Variants in EML6 observed in about 807,000 individuals in gnomAD.
The protein encoded by EML6 is echinoderm microtubule-associated protein-like 6.
A neutral mutation model predicts 240.1 loss-of-function variants in EML6; 154 were observed. That is an observed-to-expected ratio of 0.64 (90% CI 0.56 to 0.73). EML6 has a LOEUF of 0.73. EML6 is among the 30% of genes least tolerant of loss of function. The pLI, the probability that EML6 is intolerant of heterozygous loss-of-function variation, is 0.00. For missense variants in EML6, 2,964 were observed against 2,474.6 expected, an observed-to-expected ratio of 1.20 and a Z score of -4.20; for synonymous variants, 1,148 against 899.0, an observed-to-expected ratio of 1.28 and a Z score of -4.95.
chr2:54,926,455 G>C (rs1295487165), intron 26 of EML6, among the ~76,000 whole-genome samples: 2 of 152,218 alleles, frequency 1.3e-5, no homozygotes, highest in Non-Finnish European at 2.9e-5. Context: ...TTGATGGATA[G>C]AGTTGTGGTG....
At chr2:54,885,821 C>T (rs1488461705) in intron 17 of EML6, among the ~76,000 whole-genome samples, 1 of 152,002 alleles carries the variant, frequency 6.6e-6, no homozygotes, top group African/African-American at 2.4e-5. Context: ...CCGTGTTAGC[C>T]AGGATGGTCT....
At position 54,964,641 on chromosome 2, in the gene EML6, CAG is replaced by C. The variant is rs1558733484; in HGVS notation, c.5402_5403del (p.Gln1801ArgfsTer37). The C allele has an allele frequency of 1.9e-6, 3 of 1,552,400 alleles. No individual in the cohort carries two copies. The highest frequency in any genetic ancestry group is 2.6e-6 in the Non-Finnish European group (3 of 1,147,128). On this transcript the variant is annotated frameshift_variant, in exon 38 of 42. Coordinates refer to ENST00000356458, the MANE Select transcript of EML6 (RefSeq NM_001039753.4). LOFTEE classifies it high-confidence loss of function. ...CACAGTTGACTTCTATGACCTCACTCAGGGCACAAATCTGAACCGCATTGGCT... is the reference window on the plus strand; with the variant it reads ...CACAGTTGACTTCTATGACCTCACTCGGCACAAATCTGAACCGCATTGGCT... ...EHTVDFYDLT[Q>X]GTNLNRIGYC...
At chr2:54,959,988 A>G (rs923790278) in intron 34 of EML6, among the ~76,000 whole-genome samples, 6 of 152,188 alleles carry the variant, frequency 3.9e-5, no homozygotes, top group African/African-American at 1.2e-4. Context: ...TCCTCCCAAG[A>G]TAGTAGCATT....
At chr2:54,913,071 GTT>G (rs1216432893) in intron 25 of EML6, among the ~76,000 whole-genome samples, 29 of 125,674 alleles carry the variant, frequency 2.3e-4, no homozygotes, top group South Asian at 1.8e-3. Flanking sequence ...GCCAGATTCT[GTT>G]TTTTTTTTTT....
chr2:54,788,999 TA>T (rs1669246904), intron 2 of EML6, among the ~76,000 whole-genome samples: 1 of 152,206 alleles, frequency 6.6e-6, no homozygotes, highest in Non-Finnish European at 1.5e-5. Context: ...CATTTCTTAA[TA>T]AAATGAGGCA....
Position 54,954,000 on chromosome 2 carries a change from C to T in EML6, c.4330C>T (p.His1444Tyr). ...ACACTCAGGGACAACACCTTCCATC[C>T]ACATATGGGACGCCATGACCAAACA... is the stretch of plus-strand genomic sequence containing the variant. ...TSQIGTTPSI[H>Y]IWDAMTKHTL... is the part of the protein sequence containing the mutation. The change falls in exon 32 of 42, where the codon CAC becomes TAC. Residue 1444 changes from histidine (H) to tyrosine (Y), a missense_variant. His to Tyr is a moderately conservative substitution (Grantham distance 83). Coordinates refer to ENST00000356458, the MANE Select transcript of EML6 (RefSeq NM_001039753.4). 1.9e-6 allele frequency: 3 copies of T among 1,551,378 alleles called. No individual in the cohort carries two copies. The highest frequency in any genetic ancestry group is 3.9e-5 in the Admixed American group (2 of 50,948).
chr2:54,922,690 C>T (rs970314615), intron 26 of EML6, among the ~76,000 whole-genome samples: 2 of 152,092 alleles, frequency 1.3e-5, no homozygotes, highest in African/African-American at 2.4e-5. Flanking sequence ...TGTATATATA[C>T]ATATACATGG....
At chr2:54,796,111 A>T (rs1304757340) in intron 2 of EML6, among the ~76,000 whole-genome samples, 22 of 152,328 alleles carry the variant, frequency 1.4e-4, no homozygotes, top group Non-Finnish European at 2.9e-4. Context: ...CTGAAGGGAA[A>T]TAAAGGCAAG....
At position 54,894,907 on chromosome 2, in the gene EML6, C is replaced by T. The variant is rs1191581618; in HGVS notation, c.2743-8C>T. ...TGTATATAATACCTCTCATGTGTGC[C>T]TTCACAGGGCTTTGTAACAGGTGGA... is the stretch of plus-strand genomic sequence containing the variant. On this transcript the variant is annotated splice_region_variant and splice_polypyrimidine_tract_variant and intron_variant, in intron 19 of 41. Transcript: ENST00000356458. The T allele has an allele frequency of 1.3e-6, 2 of 1,545,798 alleles. No individual in the cohort carries two copies. The highest frequency in any genetic ancestry group is 1.8e-6 in the Non-Finnish European group (2 of 1,141,856).
At chr2:54,957,292 CCT>C (rs1160202685) in intron 32 of EML6, among the ~76,000 whole-genome samples, 2 of 148,210 alleles carry the variant, frequency 1.3e-5, no homozygotes, top group East Asian at 2.0e-4. Flanking sequence ...AAAATTTAAA[CCT>C]AAACACCACA....
intron 19 of EML6, among the ~76,000 whole-genome samples, chr2:54,892,871 A>G (rs1019952132): frequency 6.6e-6 from 1 of 152,188 alleles, no homozygotes; most frequent in Admixed American, 6.5e-5. Flanking sequence ...ACTTCTCTGC[A>G]CTTTTTCCAC....
intron 39 of EML6, 26 bp from the exon 40 acceptor site, chr2:54,968,102 C>G (rs189301110): frequency 6.3e-5 from 97 of 1,549,642 alleles, no homozygotes; most frequent in Middle Eastern, 4.2e-4. Context: ...TTCCTTCTAT[C>G]CTAACCCCTC....
rs1244017970 is a variant in EML6 at position 54,957,970 on chromosome 2, A to T, written c.4667A>T (p.Gln1556Leu). The change falls in exon 33 of 42, where the codon CAG becomes CTG. Residue 1556 changes from glutamine to leucine, a missense_variant. Transcript: ENST00000356458. The stretch of plus-strand genomic sequence containing the variant: ...GGGTCCCTGGGAGCTGCCAAAATGC[A>T]GACGATGCTCTCCGTGGCCTTCGGT... Reference protein sequence around the residue: ...VIGSLGAAKMQTMLSVAFGAN... With the variant: ...VIGSLGAAKMLTMLSVAFGAN... 6.4e-7 allele frequency: 1 copy of T among 1,551,446 alleles called. No individual in the cohort carries two copies. The highest frequency in any genetic ancestry group is 8.7e-7 in the Non-Finnish European group (1 of 1,146,788).
At chr2:54,955,853 G>C (rs1208575502) in intron 32 of EML6, among the ~76,000 whole-genome samples, 1 of 152,182 alleles carries the variant, frequency 6.6e-6, no homozygotes, top group East Asian at 1.9e-4. Context: ...GGTTGACCAC[G>C]GACATGTCAT....
intron 20 of EML6, 115 bp downstream of exon 20, chr2:54,895,141 A>G: frequency 7.6e-7 from 1 of 1,315,760 alleles, no homozygotes; most frequent in East Asian, 2.5e-5. Context: ...CCATGTTTAG[A>G]ACTCTCTTCC....
chr2:54,922,582 T>G (rs1346560044), intron 26 of EML6, among the ~76,000 whole-genome samples: 1 of 152,212 alleles, frequency 6.6e-6, no homozygotes, highest in African/African-American at 2.4e-5. Context: ...TGAAGAGATA[T>G]CTACACCACC....
At chr2:54,885,517 T>G (rs1440241038) in intron 17 of EML6, among the ~76,000 whole-genome samples, 2 of 152,222 alleles carry the variant, frequency 1.3e-5, no homozygotes, top group African/African-American at 4.8e-5. Context: ...TCTCTTGGTG[T>G]TAAACACATT....
Position 54,863,827 on chromosome 2 carries a change from T to G in EML6, c.1870T>G (p.Ser624Ala). 1 of 1,549,952 alleles carries G rather than the reference T, an allele frequency of 6.5e-7. No individual in the cohort carries two copies. The highest frequency in any genetic ancestry group is 1.2e-5 in the South Asian group (1 of 83,472). ...SYSEESDSDL[S>A]DVPELDSDIE... Reference sequence around the variant, plus strand: ...CAGTGAAGAATCTGATTCAGATTTATCTGATGTGCCCGAACTGGACTCTGA... The same window carrying G: ...CAGTGAAGAATCTGATTCAGATTTAGCTGATGTGCCCGAACTGGACTCTGA... Residue 624 changes from serine (S) to alanine (A), a missense_variant, in exon 13 of 42, where the codon TCT becomes GCT. Transcript: ENST00000356458.
intron 2 of EML6, among the ~76,000 whole-genome samples, chr2:54,767,423 CTTTTA>C (rs1446370248): frequency 2.0e-5 from 3 of 151,770 alleles, no homozygotes; most frequent in Admixed American, 1.3e-4. Context: ...GGATAGTATA[CTTTTA>C]TTTTAAGAAA....
Sources: gnomAD v4.1 joint callset for allele counts (sites outside exome capture counted in the v4.1 genomes callset) on GRCh38, gnomAD v4.1.1 for gene constraint, MANE v1.5 for transcripts, NCBI Gene and HGNC (gene_info 2026-07-23, HGNC 2026-07-21) for gene names.